HIKESHI: variants seen among roughly 807,000 people sequenced by gnomAD.
HIKESHI encodes heat shock protein nuclear import factor hikeshi.
A neutral mutation model predicts 25.7 loss-of-function variants in HIKESHI; 13 were observed. The ratio of observed to expected loss-of-function variants is 0.51; its 90% CI spans 0.33 to 0.80. The LOEUF (loss-of-function observed/expected upper bound fraction) is 0.80, where lower values mean the gene tolerates loss of function less well. Ranked by LOEUF, HIKESHI falls within the 30% of genes least tolerant of loss-of-function variation. The probability of loss-of-function intolerance (pLI) is 0.02; values close to 1 mark genes in which losing one functional copy is unlikely to be tolerated. For missense variants in HIKESHI, 174 were observed against 229.5 expected (o/e 0.76, Z 1.56); for synonymous variants, 76 against 78.7 (o/e 0.97, Z 0.18).
At chr11:86,318,646 A>G (rs1249272599) in intron 2 of HIKESHI, among the ~76,000 whole-genome samples, 4 of 152,130 alleles carry the variant, frequency 2.6e-5, no homozygotes, top group African/African-American at 7.2e-5. Flanking sequence ...AATTGAAGTT[A>G]TTTAAAAAAT....
intron 2 of HIKESHI, chr11:86,326,651 G>T: frequency 2.4e-6 from 1 of 425,212 alleles, no homozygotes; most frequent in Admixed American, 2.6e-5. Context: ...TGGAAGATTA[G>T]ACTGGAGCAT....
chr11:86,328,237 A>C (rs7110770), intron 2 of HIKESHI, among the ~76,000 whole-genome samples: 34,927 of 151,956 alleles, frequency 0.23, 4,973 homozygotes, highest in Non-Finnish European at 0.31. Flanking sequence ...AGTAAATTTA[A>C]GGAGAAAACA....
chr11:86,341,642 C>T (rs1380369224), intron 3 of HIKESHI, among the ~76,000 whole-genome samples: 1 of 151,942 alleles, frequency 6.6e-6, no homozygotes, highest in African/African-American at 2.4e-5. Flanking sequence ...ACCAAACCCA[C>T]CTAACTTTTT....
chr11:86,307,954 T>TACA (rs1565719962), intron 2 of HIKESHI, among the ~76,000 whole-genome samples: 1 of 58,738 alleles, frequency 1.7e-5, no homozygotes, highest in African/African-American at 1.1e-4. Context: ...ATGTGTAATA[T>TACA]ATATTATATA....
In HIKESHI at chr11:86,344,486, C is replaced by G. The variant is rs375462519; in HGVS notation, c.421-117C>G. ...CCCAGCCAGCTTTCAGCATTAGACTCTCTTAGAACTGACACTCCCTATAAA... is the reference window on the plus strand; with the variant it reads ...CCCAGCCAGCTTTCAGCATTAGACTGTCTTAGAACTGACACTCCCTATAAA... On this transcript the variant is annotated intron_variant, in intron 3 of 4. Transcript: ENST00000278483. 5 of 671,814 alleles carry G rather than the reference C, an allele frequency of 7.4e-6. No homozygotes were observed. In the Admixed American group the frequency reaches 1.2e-4, roughly 17 times the overall value. The allele number at this position is 671,814 out of a possible 1,614,324, so 41.6% of individuals were successfully genotyped here.
rs774141787 is a variant in HIKESHI at position 86,345,497 on chromosome 11, A to G, written c.540-87A>G. The G allele has an allele frequency of 2.0e-5, 15 of 737,548 alleles. No homozygotes were observed. The South Asian group carries it at 2.7e-4, about 13-fold the overall frequency. The allele number at this position is 737,548 out of a possible 1,614,324, so 45.7% of individuals were successfully genotyped here. A position where few individuals can be genotyped will look rare whatever the true frequency, so the allele number is the denominator to read the frequency against. Reference sequence around the variant, plus strand: ...TAGCTTTTTAGAAATGACATGTAAAATTGTTTTGGATAAGTCATTTGGCAG... The same window carrying G: ...TAGCTTTTTAGAAATGACATGTAAAGTTGTTTTGGATAAGTCATTTGGCAG... On this transcript the variant is annotated intron_variant, in intron 4 of 4. Coordinates refer to ENST00000278483, the MANE Select transcript of HIKESHI (RefSeq NM_016401.4).
chr11:86,321,809 C>T (rs1445389240), intron 2 of HIKESHI, among the ~76,000 whole-genome samples: 1 of 151,986 alleles, frequency 6.6e-6, no homozygotes, highest in Non-Finnish European at 1.5e-5. Context: ...GGATTACAGA[C>T]GCGAGTCTCC....
intron 2 of HIKESHI, among the ~76,000 whole-genome samples, chr11:86,319,390 A>G (rs1200854536): frequency 2.0e-5 from 3 of 148,578 alleles, no homozygotes; most frequent in Non-Finnish European, 1.5e-5. Context: ...AGCACACATC[A>G]CCACACCTGG....
intron 2 of HIKESHI, among the ~76,000 whole-genome samples, chr11:86,320,897 T>A (rs1947130663): frequency 6.6e-6 from 1 of 152,176 alleles, no homozygotes; most frequent in Non-Finnish European, 1.5e-5. Context: ...ATTTTTACAG[T>A]CATTCATGTT....
chr11:86,303,491 G>C, intron 1 of HIKESHI: 2 of 634,378 alleles, frequency 3.2e-6, no homozygotes, highest in South Asian at 7.0e-5. Flanking sequence ...TCTTAATAGG[G>C]AAAAAGGACA....
At chr11:86,327,166 G>C (rs1402067423) in intron 2 of HIKESHI, among the ~76,000 whole-genome samples, 7 of 152,110 alleles carry the variant, frequency 4.6e-5, no homozygotes, top group Non-Finnish European at 1.0e-4. Flanking sequence ...AATTAGGAAG[G>C]TGTTATAATG....
chr11:86,319,220 AT>A, intron 2 of HIKESHI, among the ~76,000 whole-genome samples: 1 of 85,210 alleles, frequency 1.2e-5, no homozygotes, highest in Non-Finnish European at 2.2e-5. Context: ...GCTTAAAAAT[AT>A]ATATATATAT....
chr11:86,307,862 T>TTA (rs1250083612), intron 2 of HIKESHI, among the ~76,000 whole-genome samples: 2 of 111,482 alleles, frequency 1.8e-5, no homozygotes, highest in African/African-American at 7.4e-5. Flanking sequence ...GTAATATACA[T>TTA]TATATAAAAT....
intron 2 of HIKESHI, among the ~76,000 whole-genome samples, chr11:86,321,080 G>A (rs1486776645): frequency 4.0e-5 from 6 of 151,894 alleles, no homozygotes; most frequent in East Asian, 1.9e-4. Flanking sequence ...GATTATAGGC[G>A]TGCACCACCA....
At chr11:86,332,637 T>G (rs1947453989) in intron 2 of HIKESHI, among the ~76,000 whole-genome samples, 1 of 152,150 alleles carries the variant, frequency 6.6e-6, no homozygotes, top group Non-Finnish European at 1.5e-5. Flanking sequence ...AAAACTATAC[T>G]TACAAAAAGG....
intron 2 of HIKESHI, among the ~76,000 whole-genome samples, chr11:86,334,402 T>C (rs908633785): frequency 1.5e-4 from 23 of 152,198 alleles, no homozygotes; most frequent in African/African-American, 5.1e-4. Flanking sequence ...TTGATTTACA[T>C]GGAGGAGGGA....
chr11:86,302,570 G>T (rs140737016), intron 1 of HIKESHI, 92 bp downstream of exon 1: 12 of 1,434,378 alleles, frequency 8.4e-6, no homozygotes, highest in Middle Eastern at 2.2e-4. Context: ...TAGGGATGCG[G>T]GGAAGCCCAC....
chr11:86,338,981 A>G (rs191056540), intron 3 of HIKESHI, among the ~76,000 whole-genome samples: 12 of 152,374 alleles, frequency 7.9e-5, no homozygotes, highest in East Asian at 7.7e-4. Flanking sequence ...CAGAGAAAAT[A>G]GAGTAACTTA....
intron 2 of HIKESHI, among the ~76,000 whole-genome samples, chr11:86,320,720 C>T (rs1947124721): frequency 6.6e-6 from 1 of 152,128 alleles, no homozygotes; most frequent in African/African-American, 2.4e-5. Flanking sequence ...AAACTGTCAC[C>T]ACAATCAATG....
Sources: allele counts gnomAD v4.1 joint callset (sites outside exome capture counted in the v4.1 genomes callset), GRCh38; gene constraint gnomAD v4.1.1; transcripts MANE v1.5; gene names NCBI Gene and HGNC (gene_info 2026-07-23, HGNC 2026-07-21).